KDM4A: variants seen among roughly 807,000 people sequenced by gnomAD.
KDM4A encodes the protein lysine-specific demethylase 4A.
In KDM4A, 23 loss-of-function variants were observed where a neutral mutation model predicts 127.1. That is an observed-to-expected ratio of 0.18 (90% CI 0.13 to 0.26). KDM4A has a LOEUF of 0.26. Among genes scored for constraint, KDM4A ranks in the 10% least tolerant of loss-of-function variants. The pLI, the probability that KDM4A is intolerant of heterozygous loss-of-function variation, is 1.00. For missense variants in KDM4A, 890 were observed against 1,329.1 expected (o/e 0.67, Z 5.14); for synonymous variants, 443 against 466.5 (o/e 0.95, Z 0.65).
intron 3 of KDM4A, among the ~76,000 whole-genome samples, chr1:43,657,548 A>C (rs1227506552): frequency 6.6e-6 from 1 of 151,968 alleles, no homozygotes; most frequent in Non-Finnish European, 1.5e-5. Flanking sequence ...CTGCTGACCG[A>C]TGAGAGAATT....
intron 19 of KDM4A, among the ~76,000 whole-genome samples, chr1:43,699,507 T>C (rs112853770): frequency 1.3e-5 from 2 of 152,276 alleles, no homozygotes; most frequent in African/African-American, 4.8e-5. Flanking sequence ...TGTGGTATTA[T>C]CTCTAACTTA....
rs1415779521 is a variant in KDM4A at position 43,690,919 on chromosome 1, A to G, written c.2112A>G (p.Pro704=). The G allele has an allele frequency of 6.2e-7, 1 of 1,614,252 alleles. No individual in the cohort carries two copies. The highest frequency in any genetic ancestry group is 8.5e-7 in the Non-Finnish European group (1 of 1,180,044). Residue 704 remains proline (P), a synonymous_variant, in exon 14 of 22, where the codon CCA becomes CCG. Coordinates refer to ENST00000372396, the MANE Select transcript of KDM4A (RefSeq NM_014663.3). ...DLAPQKQRTK[P]LIPEMCFTST... The stretch of plus-strand genomic sequence containing the variant: ...CCCCCCAGAAGCAGAGGACCAAGCC[A>G]TTGATTCCAGAAATGTGCTTCACTT...
chr1:43,704,871 C>T lies in KDM4A; in HGVS notation c.*501C>T, dbSNP rs1490409962. 6 of 158,540 alleles carry T rather than the reference C, an allele frequency of 3.8e-5. No homozygotes were observed. Among genetic ancestry groups the T allele is most frequent in the African/African-American group, 1.4e-4 (6 of 41,498 alleles). 9.8% of individuals were successfully genotyped at this position (158,540 alleles called of 1,614,324 possible). A position where few individuals can be genotyped will look rare whatever the true frequency, so the allele number is the denominator to read the frequency against. ...TACTTTCTTCCTTGCCTATGCAGGG[C>T]AAACAAAATGTGAAATTCTGCCCTC... On this transcript the variant is annotated 3_prime_UTR_variant, in exon 22 of 22. Transcript: ENST00000372396.
chr1:43,660,493 C>T, intron 4 of KDM4A, 81 bp downstream of exon 4: 1 of 1,513,882 alleles, frequency 6.6e-7, no homozygotes, highest in Non-Finnish European at 8.9e-7. Flanking sequence ...GTAGTAGGCA[C>T]CTAAAAGCTG....
intron 9 of KDM4A, 78 bp downstream of exon 9, chr1:43,668,097 TTTC>T (rs1248312983): frequency 4.6e-6 from 7 of 1,536,332 alleles, no homozygotes; most frequent in African/African-American, 1.4e-5. Context: ...GGAGAGGCTG[TTTC>T]TTGTTTTTTT....
Position 43,694,229 on chromosome 1 carries a change from A to G in KDM4A, c.2484+127A>G. On this transcript the variant is annotated intron_variant, in intron 17 of 21. Transcript: ENST00000372396. The surrounding 1 kb of genome is among the most constrained non-coding windows in gnomAD (Gnocchi z 5.2). ...TTCTCACTCTGTGGTTAGATTCCTT[A>G]GTGGAGGCCAGGTGTGGTGGCTCAC... 1 of 737,030 alleles carries G rather than the reference A, an allele frequency of 1.4e-6. No homozygotes were observed. The highest frequency in any genetic ancestry group is 2.3e-6 in the Non-Finnish European group (1 of 442,764). 45.7% of individuals were successfully genotyped at this position (737,030 alleles called of 1,614,324 possible). A position where few individuals can be genotyped will look rare whatever the true frequency, so the allele number is the denominator to read the frequency against.
In KDM4A at chr1:43,655,786, T is replaced by TGA. The variant is rs1660223379; in HGVS notation, c.314+20_314+21insGA. 6.3e-7 allele frequency: 1 copy of TGA among 1,593,998 alleles called. No individual in the cohort carries two copies. Among genetic ancestry groups the TGA allele is most frequent in the African/African-American group, 1.3e-5 (1 of 74,574 alleles). ...CGATAAGTGAGTGGAAACCCTTTCT[T>TGA]ACCTGACATAGCACCTAGGACCCTG... On this transcript the variant is annotated intron_variant, in intron 3 of 21. Transcript: ENST00000372396.
rs777059114 is a variant in KDM4A, at chr1:43,697,971, T to C, written c.2799T>C (p.Asp933=). The C allele has an allele frequency of 6.2e-6, 10 of 1,613,536 alleles. No individual in the cohort carries two copies. The highest frequency in any genetic ancestry group is 5.4e-5 in the African/African-American group (4 of 74,728). The part of the protein sequence containing the change: ...TTETFYEVNF[D]DGSFSDNLYP... ...AGACCTTCTATGAAGTCAACTTTGATGATGGCTCCTTCAGCGACAATCTTT... is the reference window on the plus strand; with the variant it reads ...AGACCTTCTATGAAGTCAACTTTGACGATGGCTCCTTCAGCGACAATCTTT... Residue 933 remains aspartate, a synonymous_variant, in exon 19 of 22, where the codon GAT becomes GAC. Coordinates refer to ENST00000372396, the MANE Select transcript of KDM4A (RefSeq NM_014663.3).
intron 19 of KDM4A, chr1:43,703,413 T>G: frequency 2.6e-6 from 1 of 391,636 alleles, no homozygotes; most frequent in East Asian, 4.4e-5. Context: ...TTTTTTTTGG[T>G]CACCTAGAAG....
intron 11 of KDM4A, among the ~76,000 whole-genome samples, chr1:43,681,692 G>A (rs1009434575): frequency 6.6e-6 from 1 of 152,110 alleles, no homozygotes; most frequent in Non-Finnish European, 1.5e-5. Context: ...CTATTGTCCA[G>A]GTGCCCCCAA....
At chr1:43,685,253 G>A (rs1457555205) in intron 12 of KDM4A, among the ~76,000 whole-genome samples, 7 of 152,154 alleles carry the variant, frequency 4.6e-5, no homozygotes, top group Non-Finnish European at 8.8e-5. Flanking sequence ...CATCAGTGGA[G>A]CATGGTCTCC....
At chr1:43,662,244 A>G (rs528708321) in intron 4 of KDM4A, among the ~76,000 whole-genome samples, 3 of 139,536 alleles carry the variant, frequency 2.1e-5, no homozygotes, top group African/African-American at 6.6e-5. Flanking sequence ...TTTTGTGGTC[A>G]TAGAGTTTTT....
At chr1:43,666,033 G>GAA (rs920288035) in intron 6 of KDM4A, among the ~76,000 whole-genome samples, 1 of 152,154 alleles carries the variant, frequency 6.6e-6, no homozygotes, top group African/African-American at 2.4e-5. Context: ...AAATGTTAAA[G>GAA]AAAAAATTGA....
At chr1:43,665,650 T>TGTACCTGCCCTCCACC in intron 5 of KDM4A, 46 bp from the exon 6 acceptor site, 1 of 1,595,576 alleles carries the variant, frequency 6.3e-7, no homozygotes, top group South Asian at 1.1e-5. Context: ...CCTTAGCTTC[T>TGTACCTGCCCTCCACC]GTACCTGCCC....
intron 11 of KDM4A, among the ~76,000 whole-genome samples, chr1:43,678,916 G>A (rs1660799487): frequency 2.0e-5 from 3 of 152,206 alleles, no homozygotes; most frequent in East Asian, 1.9e-4. Flanking sequence ...ATATATACAC[G>A]GTATGAGATT....
chr1:43,658,071 C>CTTTTT (rs371218115), intron 3 of KDM4A, among the ~76,000 whole-genome samples: 1 of 132,614 alleles, frequency 7.5e-6, no homozygotes. Flanking sequence ...AAAAACATAA[C>CTTTTT]TTTTTTTTTT....
intron 5 of KDM4A, among the ~76,000 whole-genome samples, chr1:43,665,328 A>T (rs921167166): frequency 6.6e-6 from 1 of 152,040 alleles, no homozygotes; most frequent in African/African-American, 2.4e-5. Context: ...AAAAATACTG[A>T]GCATTTTTAA....
chr1:43,682,407 G>A (rs35938849), intron 11 of KDM4A, among the ~76,000 whole-genome samples: 4,894 of 152,302 alleles, frequency 0.032, 107 homozygotes, highest in Middle Eastern at 0.051. Context: ...TTAGACAGTT[G>A]ATATAGTTCC....
intron 11 of KDM4A, 29 bp downstream of exon 11, chr1:43,671,904 G>A: frequency 1.3e-6 from 2 of 1,521,312 alleles, no homozygotes; most frequent in Non-Finnish European, 1.8e-6. Context: ...GGTGTGGGGT[G>A]GGGAGCTGCC....
Sources: gnomAD v4.1 joint callset for allele counts (sites outside exome capture counted in the v4.1 genomes callset) on GRCh38, gnomAD v4.1.1 for gene constraint, Gnocchi (gnomAD v3.1) non-coding constraint, MANE v1.5 for transcripts, NCBI Gene and HGNC (gene_info 2026-07-23, HGNC 2026-07-21) for gene names.